The following TNIK variants were observed in gnomAD, a reference collection of about 807,000 sequenced individuals.
The protein encoded by TNIK is TRAF2 and NCK interacting kinase.
Under a neutral mutation model 191.3 loss-of-function variants are expected in TNIK, and 49 were observed. The observed-to-expected ratio is 0.26, with a 90% CI of 0.20 to 0.32. TNIK has a LOEUF of 0.32. Among genes scored for constraint, TNIK ranks in the 10% least tolerant of loss-of-function variants. The pLI is 1.00. For missense variants in TNIK, 1,155 were observed against 1,702.3 expected (o/e 0.68, Z 5.66); for synonymous variants, 594 against 600.9 (o/e 0.99, Z 0.17).
At chr3:171,243,822 T>G (rs983680487) in intron 2 of TNIK, among the ~76,000 whole-genome samples, 1 of 152,120 alleles carries the variant, frequency 6.6e-6, no homozygotes, top group African/African-American at 2.4e-5. Flanking sequence ...GCATCTTATT[T>G]GGGGGAAGAC....
At chr3:171,108,323 T>C (rs539076317) in intron 19 of TNIK, among the ~76,000 whole-genome samples, 161 bp from the exon 20 acceptor site, 1 of 152,080 alleles carries the variant, frequency 6.6e-6, no homozygotes, top group Non-Finnish European at 1.5e-5. Flanking sequence ...AAAAATATAA[T>C]GTTCAGGCAA....
At chr3:171,302,270 G>A (rs865973304) in intron 2 of TNIK, among the ~76,000 whole-genome samples, 8 of 152,256 alleles carry the variant, frequency 5.3e-5, no homozygotes, top group Middle Eastern at 3.4e-3. Context: ...TGACAGGACA[G>A]TCCAGGAGGT....
At chr3:171,082,432 T>C (rs1186671722) in intron 26 of TNIK, 38 bp from the exon 27 acceptor site, 3 of 1,598,928 alleles carry the variant, frequency 1.9e-6, no homozygotes, top group Non-Finnish European at 2.6e-6. Flanking sequence ...TGACTTTTCA[T>C]GAACTTTAAT....
At chr3:171,300,785 G>T (rs1752798089) in intron 2 of TNIK, among the ~76,000 whole-genome samples, 1 of 152,086 alleles carries the variant, frequency 6.6e-6, no homozygotes, top group Non-Finnish European at 1.5e-5. Flanking sequence ...ATGATGTTAG[G>T]CAGAAAGGGC....
chr3:171,061,511 A>G lies in TNIK; in HGVS notation c.*2370T>C, dbSNP rs1717829099. On this transcript the variant is annotated 3_prime_UTR_variant, in exon 33 of 33. Coordinates refer to ENST00000436636, the MANE Select transcript of TNIK (RefSeq NM_015028.4). ...ACAAACTACCTTATGTTTAAACACA[A>G]TGATTCCCTTTTATTTCTTAACTGT... is the stretch of plus-strand genomic sequence containing the variant. The G allele has an allele frequency of 6.6e-6, 1 of 152,190 alleles. No individual in the cohort carries two copies. The highest frequency in any genetic ancestry group is 2.4e-5 in the African/African-American group (1 of 41,448). The allele number at this position is 152,190 out of a possible 1,614,324, so 9.4% of individuals were successfully genotyped here.
At chr3:171,280,891 A>T (rs968119217) in intron 2 of TNIK, among the ~76,000 whole-genome samples, 79 of 152,326 alleles carry the variant, frequency 5.2e-4, no homozygotes, top group African/African-American at 1.7e-3. Context: ...ATATGCTGTT[A>T]TGTTACTATA....
chr3:171,292,775 C>CAAAAAAAAAAAAAAA, intron 2 of TNIK, among the ~76,000 whole-genome samples: 1 of 85,052 alleles, frequency 1.2e-5, no homozygotes, highest in Non-Finnish European at 2.3e-5. Flanking sequence ...GACTCCATCT[C>CAAAAAAAAAAAAAAA]AAAAAAAAAA....
chr3:171,150,132 T>C (rs1286882381), intron 12 of TNIK, among the ~76,000 whole-genome samples: 1 of 152,174 alleles, frequency 6.6e-6, no homozygotes, highest in East Asian at 1.9e-4. Flanking sequence ...TTCATTCAGC[T>C]TCAAGGCCTC....
chr3:171,197,007 G>A (rs1560247892), intron 4 of TNIK, among the ~76,000 whole-genome samples: 1 of 152,138 alleles, frequency 6.6e-6, no homozygotes, highest in South Asian at 2.1e-4. Context: ...CGCCCGCCTC[G>A]GCCTCCCAAA....
At chr3:171,107,809 TAGG>T (rs989556061) in intron 20 of TNIK, among the ~76,000 whole-genome samples, 4 of 152,264 alleles carry the variant, frequency 2.6e-5, no homozygotes, top group South Asian at 2.1e-4. Flanking sequence ...TATGGAATGA[TAGG>T]AGTTGTTTCT....
chr3:171,443,820 C>T (rs1444726265), intron 1 of TNIK, among the ~76,000 whole-genome samples: 1 of 151,974 alleles, frequency 6.6e-6, no homozygotes, highest in Non-Finnish European at 1.5e-5. Context: ...CAAGACCCTG[C>T]CTCAAAAAAT....
chr3:171,357,709 C>G (rs944563789), intron 2 of TNIK, among the ~76,000 whole-genome samples: 1 of 152,030 alleles, frequency 6.6e-6, no homozygotes. Context: ...GCAGGGAAAA[C>G]CATCAAACCC....
intron 16 of TNIK, among the ~76,000 whole-genome samples, chr3:171,126,365 T>C (rs1728483127): frequency 1.3e-5 from 2 of 152,324 alleles, no homozygotes; most frequent in East Asian, 1.9e-4. Flanking sequence ...TTAAATGATT[T>C]ACTTGGGAAC....
At chr3:171,191,503 G>T (rs572719415) in intron 5 of TNIK, among the ~76,000 whole-genome samples, 11 of 152,308 alleles carry the variant, frequency 7.2e-5, no homozygotes, top group Admixed American at 2.0e-4. Flanking sequence ...CTCCCAAAGT[G>T]CTGGGAATCC....
At chr3:171,108,194 G>C in intron 19 of TNIK, 32 bp from the exon 20 acceptor site, 1 of 1,491,478 alleles carries the variant, frequency 6.7e-7, no homozygotes, top group Non-Finnish European at 9.0e-7. Context: ...CCAAGAAAGA[G>C]ATGGCCATCA....
chr3:171,428,900 C>A (rs368645856), intron 1 of TNIK, among the ~76,000 whole-genome samples: 5 of 152,144 alleles, frequency 3.3e-5, no homozygotes, highest in African/African-American at 1.2e-4. Flanking sequence ...AATTCTGTCC[C>A]TTGTCCCCCT....
At chr3:171,135,317 G>T (rs569986239) in intron 15 of TNIK, among the ~76,000 whole-genome samples, 1 of 152,272 alleles carries the variant, frequency 6.6e-6, no homozygotes, top group Admixed American at 6.5e-5. Flanking sequence ...AGCATTAAAA[G>T]ATCAAGAATG....
chr3:171,189,798 A>G (rs1168701721), intron 6 of TNIK, among the ~76,000 whole-genome samples: 2 of 152,222 alleles, frequency 1.3e-5, no homozygotes, highest in Non-Finnish European at 2.9e-5. Context: ...AGGATAGCTT[A>G]TCTAGTTGAT....
chr3:171,343,628 G>A (rs1004119023), intron 2 of TNIK, among the ~76,000 whole-genome samples: 5 of 152,184 alleles, frequency 3.3e-5, no homozygotes, highest in Non-Finnish European at 5.9e-5. Flanking sequence ...CAACCTCTAG[G>A]TGAATGGGCA....
Sources: gnomAD v4.1 joint callset for allele counts (sites outside exome capture counted in the v4.1 genomes callset) on GRCh38, gnomAD v4.1.1 for gene constraint, MANE v1.5 for transcripts, NCBI Gene and HGNC (gene_info 2026-07-23, HGNC 2026-07-21) for gene names.